Variants in WDR11 observed in about 807,000 individuals in gnomAD.
WDR11 encodes WD repeat domain 11.
WDR11 carries 83 observed loss-of-function variants against 151.2 expected under a neutral mutation model. The ratio of observed to expected loss-of-function variants is 0.55; its 90% CI spans 0.46 to 0.66. WDR11 has a LOEUF of 0.66. Among genes scored for constraint, WDR11 ranks in the 30% least tolerant of loss-of-function variants. The pLI is 0.00. For missense variants in WDR11, 1,301 were observed against 1,480.9 expected, an observed-to-expected ratio of 0.88 and a Z score of 1.99; for synonymous variants, 484 against 533.1, an observed-to-expected ratio of 0.91 and a Z score of 1.27.
intron 19 of WDR11, among the ~76,000 whole-genome samples, chr10:120,893,334 T>C (rs992236090): frequency 6.6e-6 from 1 of 152,112 alleles, no homozygotes; most frequent in Non-Finnish European, 1.5e-5. Context: ...TCCCTACAAA[T>C]GACATGAACT....
intron 4 of WDR11, among the ~76,000 whole-genome samples, chr10:120,862,211 G>A (rs769849321): frequency 1.3e-5 from 2 of 151,612 alleles, no homozygotes; most frequent in Non-Finnish European, 2.9e-5. Context: ...CACTATCTCG[G>A]CTCACTGCAA....
chr10:120,903,924 A>T, intron 23 of WDR11, 123 bp from the exon 24 acceptor site: 1 of 669,148 alleles, frequency 1.5e-6, no homozygotes, highest in South Asian at 1.8e-5. Flanking sequence ...TGTAAAGTTG[A>T]TTATCTAGTA....
intron 27 of WDR11, chr10:120,906,341 A>G: frequency 7.9e-7 from 1 of 1,265,496 alleles, no homozygotes. Flanking sequence ...CCCAGAGAGC[A>G]GGGGGAGAGG....
At chr10:120,858,589 G>A in intron 2 of WDR11, 54 bp from the exon 3 acceptor site, 1 of 1,606,104 alleles carries the variant, frequency 6.2e-7, no homozygotes, top group South Asian at 1.1e-5. Context: ...TGAAAATTAT[G>A]TTCTGTTTCA....
At chr10:120,860,071 G>A (rs1846088637) in intron 3 of WDR11, 38 bp from the exon 4 acceptor site, 1 of 1,613,444 alleles carries the variant, frequency 6.2e-7, no homozygotes, top group Non-Finnish European at 8.5e-7. Flanking sequence ...GGAGAGTGTG[G>A]TTTCTGAATT....
Position 120,871,226 on chromosome 10 carries a change from C to T in WDR11, c.1351C>T (p.His451Tyr). Residue 451 changes from histidine to tyrosine, a missense_variant, in exon 10 of 29, where the codon CAC becomes TAC. Transcript: ENST00000263461. The part of the protein sequence containing the change: ...HPRGSILREV[H>Y]LKFLLTGLLS... ...CAGAGGTTCAATTCTGCGGGAAGTG[C>T]ACCTCAAGTTCCTGCTGACGGGACT... 4 of 1,614,166 alleles carry T rather than the reference C, an allele frequency of 2.5e-6. No homozygotes were observed. The highest frequency in any genetic ancestry group is 1.3e-5 in the African/African-American group (1 of 75,030).
intron 28 of WDR11, 113 bp downstream of exon 28, chr10:120,906,968 C>A: frequency 6.8e-7 from 1 of 1,476,780 alleles, no homozygotes; most frequent in African/African-American, 1.4e-5. Flanking sequence ...TGTGAAAGAT[C>A]CATGTTCTGA....
intron 1 of WDR11, 62 bp downstream of exon 1, chr10:120,851,568 A>G (rs1845773729): frequency 7.7e-6 from 12 of 1,564,788 alleles, no homozygotes; most frequent in South Asian, 1.2e-5. Flanking sequence ...GGGAAGGGGG[A>G]AGGACAAGAG....
In WDR11 at chr10:120,871,270, A is replaced by G; in HGVS notation, c.1395A>G (p.Ala465=). 1 of 1,614,132 alleles carries G rather than the reference A, an allele frequency of 6.2e-7. No homozygotes were observed. The highest frequency in any genetic ancestry group is 8.5e-7 in the Non-Finnish European group (1 of 1,180,014). The change falls in exon 10 of 29, where the codon GCA becomes GCG. Residue 465 remains alanine (A), a synonymous_variant. Transcript: ENST00000263461. ...CGGGACTGCTTTCAGGACTGCCCGCACCACAGTTTGCTATTCGTATGTGTC... is the reference window on the plus strand; with the variant it reads ...CGGGACTGCTTTCAGGACTGCCCGCGCCACAGTTTGCTATTCGTATGTGTC... ...LLTGLLSGLP[A]PQFAIRMCPP...
At chr10:120,853,421 A>G (rs894297004) in intron 2 of WDR11, among the ~76,000 whole-genome samples, 4 of 151,928 alleles carry the variant, frequency 2.6e-5, no homozygotes, top group Non-Finnish European at 5.9e-5. Flanking sequence ...ACCCACCACC[A>G]TGCCCAGCTA....
intron 27 of WDR11, chr10:120,906,532 A>G: frequency 3.6e-6 from 5 of 1,370,426 alleles, no homozygotes; most frequent in Admixed American, 6.0e-5. Flanking sequence ...ATCTCTGTAG[A>G]TTTTTGTGTA....
At chr10:120,856,963 G>C (rs1845969157) in intron 2 of WDR11, among the ~76,000 whole-genome samples, 1 of 152,034 alleles carries the variant, frequency 6.6e-6, no homozygotes, top group Non-Finnish European at 1.5e-5. Flanking sequence ...TTCATCAACT[G>C]ATCAATAGAT....
chr10:120,881,364 G>A (rs1053570973), intron 13 of WDR11, among the ~76,000 whole-genome samples: 3 of 151,968 alleles, frequency 2.0e-5, no homozygotes, highest in African/African-American at 7.2e-5. Flanking sequence ...AACTTGTTTT[G>A]GCTTTTCTAA....
intron 23 of WDR11, 148 bp downstream of exon 23, chr10:120,903,380 C>A: frequency 2.0e-6 from 2 of 991,296 alleles, no homozygotes; most frequent in Non-Finnish European, 3.0e-6. Flanking sequence ...TGTGGTGGCA[C>A]GTGCCTGTAG....
intron 19 of WDR11, among the ~76,000 whole-genome samples, chr10:120,897,143 A>G (rs1302279059): frequency 2.6e-5 from 4 of 152,170 alleles, no homozygotes; most frequent in Admixed American, 2.6e-4. Flanking sequence ...TAATGGTGGT[A>G]TTGATGTAAG....
chr10:120,885,311 A>ACG (rs35228634), intron 14 of WDR11, among the ~76,000 whole-genome samples: 1 of 151,986 alleles, frequency 6.6e-6, no homozygotes, highest in African/African-American at 2.4e-5. Flanking sequence ...ACACACACAC[A>ACG]TATAAACACA....
Position 120,852,588 on chromosome 10 carries a change from G to A in WDR11, c.151G>A (p.Ala51Thr), listed in dbSNP as rs751464587. ...TGTGGTAGTGATTGATTCCATTACT[G>A]CCCAAACTCTTCAAGTTTTAGAAAA... The part of the protein sequence containing the change: ...SLVVVIDSIT[A>T]QTLQVLEKHK... The change falls in exon 2 of 29, where the codon GCC becomes ACC. Residue 51 changes from alanine to threonine, a missense_variant. By Grantham distance (58) the Ala-to-Thr change is moderately conservative (BLOSUM62 0). This residue lies in a region of WDR11 where 692 missense variants were observed against 762.5 expected (regional missense o/e 0.91). Transcript: ENST00000263461. 1.4e-5 allele frequency: 23 copies of A among 1,613,852 alleles called. No homozygotes were observed. In the South Asian group the frequency reaches 2.5e-4, roughly 18 times the overall value.
chr10:120,889,038 A>G (rs1168423519), intron 16 of WDR11, 40 bp from the exon 17 acceptor site: 1 of 1,365,210 alleles, frequency 7.3e-7, no homozygotes, highest in Non-Finnish European at 1.0e-6. Flanking sequence ...CTTATACAGC[A>G]TAGTGAAATT....
chr10:120,897,686 C>T (rs566989125), intron 19 of WDR11, among the ~76,000 whole-genome samples: 4 of 152,164 alleles, frequency 2.6e-5, no homozygotes, highest in Non-Finnish European at 4.4e-5. Flanking sequence ...GAAAAGGTCA[C>T]ATAAGGCCAA....
Sources: allele counts gnomAD v4.1 joint callset (sites outside exome capture counted in the v4.1 genomes callset), GRCh38; gene constraint gnomAD v4.1.1; regional missense constraint gnomAD v4.1.1; transcripts MANE v1.5; gene names NCBI Gene and HGNC (gene_info 2026-07-23, HGNC 2026-07-21).